The following SGK1 variants were observed in gnomAD, a reference collection of about 807,000 sequenced individuals.
The protein encoded by SGK1 is serum/glucocorticoid regulated kinase 1.
In SGK1, 26 loss-of-function variants were observed where a neutral mutation model predicts 64.2. The observed-to-expected ratio is 0.40, with a 90% CI of 0.30 to 0.56. The LOEUF (loss-of-function observed/expected upper bound fraction) is 0.56, where lower values mean the gene tolerates loss of function less well. Among genes scored for constraint, SGK1 ranks in the 20% least tolerant of loss-of-function variants. The probability of loss-of-function intolerance (pLI) is 0.38; values close to 1 mark genes in which losing one functional copy is unlikely to be tolerated. For synonymous variants in SGK1, 265 were observed against 239.7 expected (o/e 1.11, Z -0.98); for missense variants, 519 against 645.6 (o/e 0.80, Z 2.12).
At chr6:134,258,277 T>C in intron 2 of SGK1, among the ~76,000 whole-genome samples, 1 of 151,944 alleles carries the variant, frequency 6.6e-6, no homozygotes, top group East Asian at 1.9e-4. Flanking sequence ...CTAATTTTAT[T>C]TTATTTATTT....
chr6:134,260,374 A>ACCGC (rs1554225480), intron 2 of SGK1: 3 of 113,164 alleles, frequency 2.7e-5, no homozygotes, highest in Non-Finnish European at 5.4e-5. Context: ...CCCGACCCCC[A>ACCGC]CCCCCCCCAA....
chr6:134,170,306 C>T lies in SGK1; in HGVS notation c.1543G>A (p.Gly515Ser). ...TCCGTGGGAGGCGCATAGGAAAAGC[C>T]TAGGAAAGCCTCGGCAGCTTCCTTG... is the stretch of plus-strand genomic sequence containing the variant. ...SVKEAAEAFL[G>S]FSYAPPTDSF... is the part of the protein sequence containing the mutation. Residue 515 changes from glycine (G) to serine (S), a missense_variant, in exon 14 of 14, where the codon GGC (glycine) becomes AGC (serine). Transcript: ENST00000367858. 6.2e-7 allele frequency: 1 copy of T among 1,613,818 alleles called. No individual in the cohort carries two copies. The highest frequency in any genetic ancestry group is 1.1e-5 in the South Asian group (1 of 91,070).
At chr6:134,241,366 C>CTTTTTAGAGATGTTTTTT (rs1776444488) in intron 2 of SGK1, among the ~76,000 whole-genome samples, 1 of 151,774 alleles carries the variant, frequency 6.6e-6, no homozygotes, top group African/African-American at 2.4e-5. Context: ...ATGTTTTTTT[C>CTTTTTAGAGATGTTTTTT]TTTTTAGAGA....
chr6:134,202,543 A>C (rs761863839), intron 3 of SGK1, among the ~76,000 whole-genome samples: 1 of 152,112 alleles, frequency 6.6e-6, no homozygotes, highest in Non-Finnish European at 1.5e-5. Context: ...TGGGAGGCTG[A>C]GACAGGAGAC....
chr6:134,275,645 C>T (rs1017966025), intron 1 of SGK1, among the ~76,000 whole-genome samples: 1 of 152,188 alleles, frequency 6.6e-6, no homozygotes, highest in African/African-American at 2.4e-5. Context: ...GGGTGCCACA[C>T]AAATTGAAAA....
At chr6:134,191,125 G>A (rs754043855) in intron 3 of SGK1, among the ~76,000 whole-genome samples, 28 of 152,160 alleles carry the variant, frequency 1.8e-4, no homozygotes, top group Non-Finnish European at 3.2e-4. Context: ...GTATTCATGT[G>A]TTTATGTGTA....
chr6:134,307,510 C>A (rs1777551796), intron 1 of SGK1, among the ~76,000 whole-genome samples: 4 of 152,152 alleles, frequency 2.6e-5, no homozygotes, highest in Admixed American at 2.6e-4. Context: ...GATGCTCAAC[C>A]CCCTGATATA....
chr6:134,291,333 C>G (rs559893574), intron 1 of SGK1, among the ~76,000 whole-genome samples: 2 of 152,288 alleles, frequency 1.3e-5, no homozygotes, highest in South Asian at 2.1e-4. Context: ...TAGGCCCCAA[C>G]AGACCGGACT....
intron 1 of SGK1, among the ~76,000 whole-genome samples, chr6:134,294,194 A>G (rs1777306617): frequency 1.3e-5 from 2 of 152,096 alleles, no homozygotes. Context: ...CACGTTTCCC[A>G]TCTAATATAC....
chr6:134,300,734 G>T lies in SGK1; in HGVS notation c.69+16658C>A, dbSNP rs1415325791. ...TACAACCTCCACCTCCTGGGTTCAA[G>T]CAATTCTCCTGCCTCAGCCTCCCGA... On this transcript the variant is annotated intron_variant, in intron 1 of 13. Transcript: ENST00000367858. 3.4e-5 allele frequency among the ~76,000 whole-genome samples: 5 copies of T among 145,620 alleles called. No homozygotes were observed. The Admixed American group carries it at 3.6e-4, about 10-fold the overall frequency.
At chr6:134,247,519 C>A (rs1251431206) in intron 2 of SGK1, among the ~76,000 whole-genome samples, 2 of 152,202 alleles carry the variant, frequency 1.3e-5, no homozygotes, top group Non-Finnish European at 2.9e-5. Flanking sequence ...ATTAAGTGCA[C>A]AGTATATGTC....
At chr6:134,243,329 A>G (rs979429239) in intron 2 of SGK1, among the ~76,000 whole-genome samples, 1 of 152,206 alleles carries the variant, frequency 6.6e-6, no homozygotes, top group African/African-American at 2.4e-5. Flanking sequence ...TTTTCATTGT[A>G]AATTCCAGTT....
At chr6:134,195,878 T>A (rs1775587257) in intron 3 of SGK1, among the ~76,000 whole-genome samples, 2 of 152,304 alleles carry the variant, frequency 1.3e-5, no homozygotes, top group South Asian at 4.1e-4. Context: ...GGTCCAGTAA[T>A]GTATAAAATA....
At chr6:134,214,957 C>G in intron 2 of SGK1, 1 of 416,186 alleles carries the variant, frequency 2.4e-6, no homozygotes, top group Non-Finnish European at 4.8e-6. Flanking sequence ...TAGAAGGTAA[C>G]CGTTGAATGT....
At chr6:134,223,316 C>T (rs1354796386) in intron 2 of SGK1, among the ~76,000 whole-genome samples, 1 of 150,716 alleles carries the variant, frequency 6.6e-6, no homozygotes, top group African/African-American at 2.5e-5. Flanking sequence ...TGCGGTGAGC[C>T]GAGATCGTGC....
chr6:134,191,211 C>T (rs187459014), intron 3 of SGK1, among the ~76,000 whole-genome samples: 317 of 152,214 alleles, frequency 2.1e-3, no homozygotes, highest in African/African-American at 6.0e-3. Context: ...ACTGTCTACA[C>T]GAAAGTTGGG....
In SGK1 at chr6:134,257,482, T is replaced by C. The variant is rs148303899; in HGVS notation, c.285+4451A>G. On this transcript the variant is annotated intron_variant, in intron 2 of 13. Coordinates refer to ENST00000367858, the MANE Select transcript of SGK1 (RefSeq NM_001143676.3). ...GACTTGCACTTAATTTGCCTTCTTA[T>C]TTTATTTAAAACATTCTTACCTCGT... Among the ~76,000 whole-genome samples the C allele has an allele frequency of 4.0e-3, 603 of 152,332 alleles. 8 individuals carry two copies. Among genetic ancestry groups the C allele is most frequent in the African/African-American group, 0.014 (588 of 41,578 alleles).
chr6:134,271,058 T>C (rs1239930247), intron 1 of SGK1, among the ~76,000 whole-genome samples: 1 of 147,794 alleles, frequency 6.8e-6, no homozygotes, highest in African/African-American at 2.4e-5. Context: ...GGCTCATGCC[T>C]GTCGTCCCAG....
At chr6:134,315,989 G>T (rs1777679397) in intron 1 of SGK1, among the ~76,000 whole-genome samples, 1 of 152,224 alleles carries the variant, frequency 6.6e-6, no homozygotes, top group Non-Finnish European at 1.5e-5. Flanking sequence ...CTGTGAAGTT[G>T]CACTGACTTG....
Sources: allele counts gnomAD v4.1 joint callset (sites outside exome capture counted in the v4.1 genomes callset), GRCh38; gene constraint gnomAD v4.1.1; transcripts MANE v1.5; gene names NCBI Gene and HGNC (gene_info 2026-07-23, HGNC 2026-07-21).